SLX9: variants seen among roughly 807,000 people sequenced by gnomAD.
SLX9 encodes the protein SLX9 ribosome biogenesis factor, also known as ribosome biogenesis protein SLX9 homolog.
A neutral mutation model predicts 20.8 loss-of-function variants in SLX9; 19 were observed. The observed-to-expected ratio is 0.91, with a 90% CI of 0.64 to 1.34. The LOEUF is 1.34. SLX9 is among the 40% of genes most tolerant of loss of function. SLX9 has a pLI of 0.00. For missense variants in SLX9, 299 were observed against 322.2 expected (o/e 0.93, Z 0.55); for synonymous variants, 113 against 137.1 (o/e 0.82, Z 1.23).
At chr21:44,939,752 G>C (rs2084503743), upstream of SLX9, 2 of 538,788 alleles carry the variant, frequency 3.7e-6, no homozygotes, top group South Asian at 1.6e-5. Flanking sequence ...CGGGGGTCGC[G>C]TCCTCTCCAT....
At chr21:44,969,355 A>C (rs1373439786) in intron 4 of SLX9, 1 of 396,646 alleles carries the variant, frequency 2.5e-6, no homozygotes, top group Admixed American at 2.8e-5. Flanking sequence ...CCCTGTTTTC[A>C]GTTTTCTCAT....
intron 2 of SLX9, among the ~76,000 whole-genome samples, chr21:44,947,800 C>T (rs991082074): frequency 2.0e-5 from 3 of 152,144 alleles, no homozygotes; most frequent in African/African-American, 7.2e-5. Context: ...GGCCTAGAGT[C>T]CCCTCCCCGC....
At chr21:44,949,637 G>A (rs371247279) in intron 2 of SLX9, among the ~76,000 whole-genome samples, 2 of 152,178 alleles carry the variant, frequency 1.3e-5, no homozygotes, top group Admixed American at 6.5e-5. Context: ...CACTCCTGCC[G>A]CTTCTGCCTG....
intron 2 of SLX9, among the ~76,000 whole-genome samples, chr21:44,950,898 A>G (rs1200373359): frequency 6.6e-6 from 1 of 152,110 alleles, no homozygotes; most frequent in Non-Finnish European, 1.5e-5. Context: ...GTTTATCCTC[A>G]TAGAACTTTG....
intron 1 of SLX9, among the ~76,000 whole-genome samples, chr21:44,941,553 AG>A (rs755572181): frequency 1.4e-4 from 21 of 151,638 alleles, no homozygotes; most frequent in Non-Finnish European, 2.4e-4. Context: ...CTCCTTGGCC[AG>A]GGGGTTTTTG....
chr21:44,971,154 G>A (rs2085139109), intron 4 of SLX9, among the ~76,000 whole-genome samples: 1 of 152,292 alleles, frequency 6.6e-6, no homozygotes, highest in African/African-American at 2.4e-5. Context: ...TCCTGTGTGC[G>A]CTTTGTGGGT....
chr21:44,940,385 C>T (rs1322528666), intron 1 of SLX9, among the ~76,000 whole-genome samples, 199 bp downstream of exon 1: 1 of 152,244 alleles, frequency 6.6e-6, no homozygotes, highest in Non-Finnish European at 1.5e-5. Flanking sequence ...CCGTCCTGGG[C>T]ACACGGACTC....
At chr21:44,971,320 G>A (rs1314324106) in intron 4 of SLX9, among the ~76,000 whole-genome samples, 1 of 152,162 alleles carries the variant, frequency 6.6e-6, no homozygotes, top group African/African-American at 2.4e-5. Flanking sequence ...GCCGGTGCTT[G>A]CCCTTGGCCC....
In SLX9 at chr21:44,952,732, C is replaced by T. The variant is rs889731279; in HGVS notation, c.284-7368C>T. On this transcript the variant is annotated intron_variant, in intron 2 of 5. Coordinates refer to ENST00000291634, the MANE Select transcript of SLX9 (RefSeq NM_058190.4). The stretch of plus-strand genomic sequence containing the variant: ...GTCCGTGTCATGTGCTCCGGGCGCC[C>T]CCCTGCCTAGGAGACGGCGGGGCAG... 2.0e-4 allele frequency among the ~76,000 whole-genome samples: 30 copies of T among 152,316 alleles called. 1 individual carries two copies. Among genetic ancestry groups the T allele is most frequent in the Admixed American group, 1.9e-3 (29 of 15,312 alleles).
rs540918077 is a variant in SLX9, at chr21:44,962,820, A to G, written c.352+2652A>G. Among the ~76,000 whole-genome samples the G allele has an allele frequency of 1.0e-3, 153 of 152,152 alleles. 2 individuals carry two copies. The highest frequency in any genetic ancestry group is 8.1e-3 in the South Asian group (39 of 4,806). ...GTTCTCCTGGCCCTCAGCTTTGCCA[A>G]CACATGGCCTGCCGTCTCCTCAGCC... On this transcript the variant is annotated intron_variant, in intron 3 of 5. Transcript: ENST00000291634.
At chr21:44,960,667 G>T (rs939330389) in intron 3 of SLX9, among the ~76,000 whole-genome samples, 10 of 152,222 alleles carry the variant, frequency 6.6e-5, no homozygotes, top group African/African-American at 2.4e-4. Context: ...GTGGGTGTGG[G>T]CAGGGCCCCT....
intron 2 of SLX9, among the ~76,000 whole-genome samples, chr21:44,955,221 AAG>A (rs1491020814): frequency 8.6e-5 from 13 of 150,420 alleles, no homozygotes; most frequent in Non-Finnish European, 1.6e-4. Context: ...AAAAAAAAAA[AAG>A]AAGTAAGAAA....
At chr21:44,944,591 G>A (rs928225900) in intron 2 of SLX9, among the ~76,000 whole-genome samples, 6 of 152,220 alleles carry the variant, frequency 3.9e-5, no homozygotes, top group Non-Finnish European at 5.9e-5. Flanking sequence ...TAAGGGAGTC[G>A]GTGAGGAGCA....
Position 44,973,208 on chromosome 21 carries a change from A to C in SLX9, c.512A>C (p.Asn171Thr). 1 of 1,613,118 alleles carries C rather than the reference A, an allele frequency of 6.2e-7. No individual in the cohort carries two copies. The highest frequency in any genetic ancestry group is 1.1e-5 in the South Asian group (1 of 91,076). ...CTCTGTGTCCACAGCAGGGAGAGCA[A>C]CAAGCCCCGGCCCTCAGAGCTCAGC... is the stretch of plus-strand genomic sequence containing the variant. ...SRRQARSRES[N>T]KPRPSELSRM... Residue 171 changes from asparagine to threonine, a missense_variant, in exon 5 of 6, where the codon AAC becomes ACC. Physicochemically the swap from Asn to Thr is moderately conservative, Grantham distance 65. Coordinates refer to ENST00000291634, the MANE Select transcript of SLX9 (RefSeq NM_058190.4).
chr21:44,960,805 C>A (rs1308107652), intron 3 of SLX9, among the ~76,000 whole-genome samples: 2 of 152,202 alleles, frequency 1.3e-5, no homozygotes, highest in Non-Finnish European at 2.9e-5. Flanking sequence ...TGGAGTATCT[C>A]CTTATTTTTC....
Position 44,940,052 on chromosome 21 carries a change from G to A in SLX9, c.-6G>A, listed in dbSNP as rs964115527. On this transcript the variant is annotated 5_prime_UTR_variant, in exon 1 of 6. Transcript: ENST00000291634. ...CTCCGCACGTTTGCCGTGCTCCGCCGGGAAGATGGGGAAAGTGAGGGGGTT... is the reference window on the plus strand; with the variant it reads ...CTCCGCACGTTTGCCGTGCTCCGCCAGGAAGATGGGGAAAGTGAGGGGGTT... 2.8e-6 allele frequency: 4 copies of A among 1,451,356 alleles called. No homozygotes were observed. Among genetic ancestry groups the A allele is most frequent in the African/African-American group, 3.0e-5 (2 of 67,352 alleles). 89.9% of individuals were successfully genotyped at this position (1,451,356 alleles called of 1,614,324 possible).
At position 44,955,580 on chromosome 21, in the gene SLX9, A is replaced by G. The variant is rs185272087; in HGVS notation, c.284-4520A>G. ...ACCCAGGCTGGAGTGCAGTGGTACAATCTGGCCTCACTGCAGCTTCGACCT... is the reference window on the plus strand; with the variant it reads ...ACCCAGGCTGGAGTGCAGTGGTACAGTCTGGCCTCACTGCAGCTTCGACCT... On this transcript the variant is annotated intron_variant, in intron 2 of 5. Transcript: ENST00000291634. 3.0e-3 allele frequency among the ~76,000 whole-genome samples: 462 copies of G among 152,176 alleles called. 2 individuals carry two copies. The highest frequency in any genetic ancestry group is 5.1e-3 in the Non-Finnish European group (345 of 68,004).
chr21:44,954,191 G>T (rs935592369), intron 2 of SLX9, among the ~76,000 whole-genome samples: 5 of 152,182 alleles, frequency 3.3e-5, no homozygotes, highest in Non-Finnish European at 7.4e-5. Flanking sequence ...AGAGAATCCT[G>T]TGGGGTTTGG....
chr21:44,949,482 GC>G (rs1204665369), intron 2 of SLX9, among the ~76,000 whole-genome samples: 1 of 152,112 alleles, frequency 6.6e-6, no homozygotes, highest in Non-Finnish European at 1.5e-5. Flanking sequence ...CCAAAGCGCG[GC>G]CCCAGCTCCG....
Sources: allele counts gnomAD v4.1 joint callset (sites outside exome capture counted in the v4.1 genomes callset), GRCh38; gene constraint gnomAD v4.1.1; transcripts MANE v1.5; gene names NCBI Gene and HGNC (gene_info 2026-07-23, HGNC 2026-07-21).